TTC7B: variants seen among roughly 807,000 people sequenced by gnomAD.
The protein encoded by TTC7B is tetratricopeptide repeat domain 7B.
TTC7B carries 28 observed loss-of-function variants against 106.8 expected under a neutral mutation model. The observed-to-expected ratio is 0.26, with a 90% confidence interval of 0.19 to 0.36. The LOEUF is 0.36. Among genes scored for constraint, TTC7B ranks in the 10% least tolerant of loss-of-function variants. The pLI is 1.00. For missense variants in TTC7B, 862 were observed against 1,076.4 expected (o/e 0.80, Z 2.79); for synonymous variants, 405 against 430.6 (o/e 0.94, Z 0.74).
At chr14:90,556,847 G>A (rs1481782460) in intron 19 of TTC7B, among the ~76,000 whole-genome samples, 1 of 152,178 alleles carries the variant, frequency 6.6e-6, no homozygotes, top group African/African-American at 2.4e-5. Flanking sequence ...GGGGTCCTGG[G>A]ACCACTGCCT....
chr14:90,775,817 C>T (rs1222418403), intron 3 of TTC7B, among the ~76,000 whole-genome samples: 1 of 152,082 alleles, frequency 6.6e-6, no homozygotes, highest in African/African-American at 2.4e-5. Flanking sequence ...ATTTGCTCTT[C>T]AGAGCCAGTC....
chr14:90,673,638 A>G (rs1886715618), intron 9 of TTC7B, among the ~76,000 whole-genome samples: 1 of 152,262 alleles, frequency 6.6e-6, no homozygotes. Flanking sequence ...TTTAAAATCC[A>G]GTTATCCTCA....
At chr14:90,673,479 G>A (rs575739814) in intron 9 of TTC7B, among the ~76,000 whole-genome samples, 52 of 152,336 alleles carry the variant, frequency 3.4e-4, no homozygotes, top group Middle Eastern at 3.4e-3. Context: ...TGAACAGAAG[G>A]ATGGCATGTC....
At chr14:90,594,880 A>G (rs1270277929) in intron 17 of TTC7B, among the ~76,000 whole-genome samples, 1 of 152,190 alleles carries the variant, frequency 6.6e-6, no homozygotes, top group African/African-American at 2.4e-5. Context: ...TATAATGGTA[A>G]CATGGATGCT....
intron 16 of TTC7B, among the ~76,000 whole-genome samples, chr14:90,612,692 C>T (rs1356935165): frequency 6.6e-6 from 1 of 152,208 alleles, no homozygotes; most frequent in Non-Finnish European, 1.5e-5. Flanking sequence ...TTGTCCTACA[C>T]AGAACTGTGT....
At chr14:90,756,264 G>A (rs1890290067) in intron 3 of TTC7B, among the ~76,000 whole-genome samples, 1 of 152,130 alleles carries the variant, frequency 6.6e-6, no homozygotes, top group Admixed American at 6.5e-5. Context: ...GCAGCACTCT[G>A]GGCTAGGGGT....
chr14:90,572,324 T>C (rs1271153232), intron 19 of TTC7B, among the ~76,000 whole-genome samples: 1 of 150,606 alleles, frequency 6.6e-6, no homozygotes, highest in Non-Finnish European at 1.5e-5. Context: ...GTCAGCAGTG[T>C]CGTTAGTCAG....
At chr14:90,723,803 CTAGACTG>C (rs561332785) in intron 5 of TTC7B, among the ~76,000 whole-genome samples, 4 of 152,222 alleles carry the variant, frequency 2.6e-5, no homozygotes, top group Non-Finnish European at 5.9e-5. Context: ...GTCTCCCTCA[CTAGACTG>C]TCTCCTCCCT....
At chr14:90,760,225 G>A (rs55966318) in intron 3 of TTC7B, among the ~76,000 whole-genome samples, 3 of 152,054 alleles carry the variant, frequency 2.0e-5, no homozygotes, top group Non-Finnish European at 4.4e-5. Flanking sequence ...AAACAGAGGT[G>A]GGGGGTTGGC....
rs532286749 is a variant in TTC7B at position 90,780,518 on chromosome 14, C to T, written c.445+220G>A. Among the ~76,000 whole-genome samples, 157 of 143,172 alleles carry T rather than the reference C, an allele frequency of 1.1e-3. 1 individual carries two copies. Among genetic ancestry groups the T allele is most frequent in the African/African-American group, 3.8e-3 (140 of 36,822 alleles). The allele number at this position is 143,172 out of a possible 152,430, so 93.9% of individuals were successfully genotyped here. ...AAGAAACTTTGCTGAAATGTTTTTCCTTCATCCCCTTCAGTGACAGCTGAT... is the reference window on the plus strand; with the variant it reads ...AAGAAACTTTGCTGAAATGTTTTTCTTTCATCCCCTTCAGTGACAGCTGAT... On this transcript the variant is annotated intron_variant, in intron 3 of 19. Coordinates refer to ENST00000328459, the MANE Select transcript of TTC7B (RefSeq NM_001010854.2).
At position 90,605,134 on chromosome 14, in the gene TTC7B, A is replaced by G. The variant is rs112317979; in HGVS notation, c.1966+5608T>C. ...AAGGTTTTCTGTGTGGTTTTAACGC[A>G]TGGTAAAGTTTGAGAACCACATGCT... is the stretch of plus-strand genomic sequence containing the variant. On this transcript the variant is annotated intron_variant, in intron 17 of 19. Transcript: ENST00000328459. 8.3e-3 allele frequency among the ~76,000 whole-genome samples: 1,269 copies of G among 152,316 alleles called. 18 individuals are homozygous for G. Among genetic ancestry groups the G allele is most frequent in the African/African-American group, 0.029 (1,214 of 41,566 alleles).
At chr14:90,789,826 G>A (rs1443191051) in intron 1 of TTC7B, among the ~76,000 whole-genome samples, 1 of 151,686 alleles carries the variant, frequency 6.6e-6, no homozygotes, top group African/African-American at 2.4e-5. Flanking sequence ...AACCTGGGGG[G>A]TGGAGCTTGC....
At chr14:90,547,643 CAA>C (rs1889895332) in intron 19 of TTC7B, among the ~76,000 whole-genome samples, 1 of 152,184 alleles carries the variant, frequency 6.6e-6, no homozygotes, top group South Asian at 2.1e-4. Flanking sequence ...TAAAAAAATA[CAA>C]AAGTTAGCTG....
rs1448975135 is a variant in TTC7B at position 90,744,776 on chromosome 14, C to A, written c.576+16G>T. On this transcript the variant is annotated intron_variant, in intron 4 of 19. Transcript: ENST00000328459. Reference sequence around the variant, plus strand: ...GGGAAAAAGTTATCAGGAACAAACACGTGGTCCTCACTTACCCTTTCTATC... The same window carrying A: ...GGGAAAAAGTTATCAGGAACAAACAAGTGGTCCTCACTTACCCTTTCTATC... 1.2e-6 allele frequency: 2 copies of A among 1,608,004 alleles called. No homozygotes were observed. The highest frequency in any genetic ancestry group is 2.7e-5 in the African/African-American group (2 of 74,734).
chr14:90,546,509 C>A (rs1009120525), intron 19 of TTC7B, among the ~76,000 whole-genome samples: 1 of 152,234 alleles, frequency 6.6e-6, no homozygotes, highest in African/African-American at 2.4e-5. Flanking sequence ...CCCCCTCCTG[C>A]CTCCCAGCTG....
At chr14:90,756,322 G>T (rs544595376) in intron 3 of TTC7B, among the ~76,000 whole-genome samples, 2 of 151,756 alleles carry the variant, frequency 1.3e-5, no homozygotes, top group East Asian at 3.9e-4. Flanking sequence ...CTTTGTCCTT[G>T]AGAAATTTCA....
At chr14:90,709,591 A>G (rs1422378388) in intron 5 of TTC7B, among the ~76,000 whole-genome samples, 1 of 151,250 alleles carries the variant, frequency 6.6e-6, no homozygotes, top group Non-Finnish European at 1.5e-5. Flanking sequence ...ATGCTAAATG[A>G]CGAGTTAATG....
intron 5 of TTC7B, among the ~76,000 whole-genome samples, chr14:90,719,128 T>C (rs997493568): frequency 1.3e-5 from 2 of 151,858 alleles, no homozygotes; most frequent in African/African-American, 4.8e-5. Flanking sequence ...AAACAAAAAT[T>C]AGCTGGGCCT....
intron 1 of TTC7B, among the ~76,000 whole-genome samples, chr14:90,801,715 C>T (rs1300617933): frequency 2.6e-5 from 4 of 152,078 alleles, no homozygotes; most frequent in African/African-American, 9.7e-5. Flanking sequence ...CTACCAAAAC[C>T]AAGATTAGGA....
Sources: allele counts gnomAD v4.1 joint callset (sites outside exome capture counted in the v4.1 genomes callset), GRCh38; gene constraint gnomAD v4.1.1; transcripts MANE v1.5; gene names NCBI Gene and HGNC (gene_info 2026-07-23, HGNC 2026-07-21).